Variants in KCTD3 observed in about 807,000 individuals in gnomAD.
KCTD3 encodes the protein BTB/POZ domain-containing protein KCTD3.
Under a neutral mutation model 85.8 loss-of-function variants are expected in KCTD3, and 41 were observed. That is an observed-to-expected ratio of 0.48 (90% CI 0.37 to 0.62). The LOEUF (loss-of-function observed/expected upper bound fraction) is 0.62, where lower values mean the gene tolerates loss of function less well. Ranked by LOEUF, KCTD3 falls within the 20% of genes least tolerant of loss-of-function variation. KCTD3 has a pLI of 0.00. For missense variants in KCTD3, 724 were observed against 989.9 expected (o/e 0.73, Z 3.60); for synonymous variants, 338 against 345.4 (o/e 0.98, Z 0.24).
At chr1:215,575,545 TC>T (rs1203599216) in intron 3 of KCTD3, among the ~76,000 whole-genome samples, 1 of 152,210 alleles carries the variant, frequency 6.6e-6, no homozygotes, top group Non-Finnish European at 1.5e-5. Context: ...ATTCATGTTT[TC>T]GAAGTATTAA....
At chr1:215,574,513 G>A (rs1051502486) in intron 3 of KCTD3, among the ~76,000 whole-genome samples, 5 of 151,958 alleles carry the variant, frequency 3.3e-5, no homozygotes, top group Admixed American at 6.6e-5. Context: ...ATAACCTTGC[G>A]AATTTGTTTA....
At chr1:215,584,504 GCCTGCAAATA>G (rs772546146) in intron 8 of KCTD3, among the ~76,000 whole-genome samples, 14 of 152,096 alleles carry the variant, frequency 9.2e-5, no homozygotes, top group Admixed American at 3.9e-4. Flanking sequence ...GTTTATCATT[GCCTGCAAATA>G]CCTGTATGAG....
chr1:215,620,456 A>C lies in KCTD3; in HGVS notation c.2286A>C (p.Gly762=), dbSNP rs1438012575. The C allele has an allele frequency of 6.2e-7, 1 of 1,613,744 alleles. No homozygotes were observed. Among genetic ancestry groups the C allele is most frequent in the Non-Finnish European group, 8.5e-7 (1 of 1,179,688 alleles). ...GGAAGAAAGGAGGATTTGAAGGGGG[A>C]GGATTCCTTGGAAGAAAGAAAGTTC... ...EFRKKGGFEG[G]GFLGRKKVPY... The change falls in exon 18 of 18, where the codon GGA becomes GGC. Residue 762 remains glycine, a synonymous_variant. Transcript: ENST00000259154.
rs767776750 is a variant in KCTD3 at position 215,579,997 on chromosome 1, CA to C, written c.625del (p.Arg209GlufsTer24). ...CATATGCCCATTTTGCTGTGTGTTA[CA>C]GGTAGTGTATAATTAATAATGCTTT... is the stretch of plus-strand genomic sequence containing the variant. ...AAYAHFAVCY[R>X]IKESSGWQQV... is the part of the protein sequence containing the mutation. On this transcript the variant is annotated frameshift_variant and splice_region_variant, in exon 8 of 18. Transcript: ENST00000259154. LOFTEE classifies it high-confidence loss of function. The C allele has an allele frequency of 6.3e-7, 1 of 1,589,638 alleles. No homozygotes were observed. The highest frequency in any genetic ancestry group is 8.6e-7 in the Non-Finnish European group (1 of 1,157,790).
At chr1:215,574,713 C>G (rs536076448) in intron 3 of KCTD3, among the ~76,000 whole-genome samples, 1 of 151,888 alleles carries the variant, frequency 6.6e-6, no homozygotes, top group Non-Finnish European at 1.5e-5. Flanking sequence ...AATAAGATCT[C>G]CACAAATCTG....
Position 215,620,311 on chromosome 1 carries a change from TAGAAATA to T in KCTD3, c.2143_2149del (p.Glu715LysfsTer3). The T allele has an allele frequency of 6.2e-7, 1 of 1,613,518 alleles. No homozygotes were observed. Among genetic ancestry groups the T allele is most frequent in the Non-Finnish European group, 8.5e-7 (1 of 1,179,790 alleles). Reference sequence around the variant, plus strand: ...ATATCTGAGAGAAAGTCTCCTGGAGTAGAAATAAAAAGTTTGAGAGAATTGGATAGTG... The same window carrying T: ...ATATCTGAGAGAAAGTCTCCTGGAGTAAAAGTTTGAGAGAATTGGATAGTG... On this transcript the variant is annotated frameshift_variant, in exon 18 of 18. Coordinates refer to ENST00000259154, the MANE Select transcript of KCTD3 (RefSeq NM_016121.5). LOFTEE classifies it low-confidence loss of function (END_TRUNC).
At chr1:215,600,084 T>G (rs957300712) in intron 10 of KCTD3, among the ~76,000 whole-genome samples, 74 of 152,248 alleles carry the variant, frequency 4.9e-4, no homozygotes, top group Middle Eastern at 3.4e-3. Context: ...CCCTCCATCC[T>G]TTAGACATCT....
Position 215,567,757 on chromosome 1 carries a change from AG to A in KCTD3, c.78del (p.Thr27ProfsTer22), listed in dbSNP as rs1435385125. 1 of 1,244,622 alleles carries A rather than the reference AG, an allele frequency of 8.0e-7. No homozygotes were observed. 77.1% of individuals were successfully genotyped at this position (1,244,622 alleles called of 1,614,324 possible). On this transcript the variant is annotated frameshift_variant, in exon 1 of 18. Transcript: ENST00000259154. LOFTEE classifies it high-confidence loss of function. Reference sequence around the variant, plus strand: ...GCGGCGAGATCGTCCAACTGAACGTAGGGGGGACCAGGTGAGTCGGCGGGTA... The same window carrying A: ...GCGGCGAGATCGTCCAACTGAACGTAGGGGGACCAGGTGAGTCGGCGGGTA... Reference protein sequence around the residue: ...GSGEIVQLNVGGTRFSTSRQT... With the variant: ...GSGEIVQLNVXGTRFSTSRQT...
At position 215,620,081 on chromosome 1, in the gene KCTD3, C is replaced by T; in HGVS notation, c.1911C>T (p.Thr637=). The change falls in exon 18 of 18, where the codon ACC becomes ACT. Residue 637 remains threonine, a synonymous_variant. Coordinates refer to ENST00000259154, the MANE Select transcript of KCTD3 (RefSeq NM_016121.5). ...GCCTTCAGCTTCAGCACCATGATACCACCCATGAAGCAGCTACTTACGGTT... is the reference window on the plus strand; with the variant it reads ...GCCTTCAGCTTCAGCACCATGATACTACCCATGAAGCAGCTACTTACGGTT... ...NSSLQLQHHD[T]THEAATYGSM... 1 of 1,596,006 alleles carries T rather than the reference C, an allele frequency of 6.3e-7. No individual in the cohort carries two copies. The highest frequency in any genetic ancestry group is 8.5e-7 in the Non-Finnish European group (1 of 1,174,270).
At chr1:215,569,549 A>G (rs979137265) in intron 1 of KCTD3, among the ~76,000 whole-genome samples, 3 of 151,272 alleles carry the variant, frequency 2.0e-5, no homozygotes, top group Non-Finnish European at 4.4e-5. Context: ...TGCAGAATTC[A>G]TTTAAAAGTT....
chr1:215,568,393 C>G (rs1306341629), intron 1 of KCTD3, among the ~76,000 whole-genome samples: 1 of 138,208 alleles, frequency 7.2e-6, no homozygotes, highest in East Asian at 2.2e-4. Context: ...TGAACATTTG[C>G]TTTTAGGAAG....
At chr1:215,600,957 A>C (rs1654807083) in intron 10 of KCTD3, among the ~76,000 whole-genome samples, 2 of 147,512 alleles carry the variant, frequency 1.4e-5, no homozygotes, top group South Asian at 4.3e-4. Context: ...TTTTTTTTGG[A>C]TACCAAGTCT....
At chr1:215,579,522 G>A (rs948502367) in intron 7 of KCTD3, among the ~76,000 whole-genome samples, 5 of 149,090 alleles carry the variant, frequency 3.4e-5, no homozygotes, top group African/African-American at 9.9e-5. Flanking sequence ...TTTTTGAGAC[G>A]GAGTCTCGCT....
chr1:215,589,284 C>T (rs1161598594), intron 9 of KCTD3, among the ~76,000 whole-genome samples: 1 of 152,020 alleles, frequency 6.6e-6, no homozygotes, highest in Non-Finnish European at 1.5e-5. Flanking sequence ...GCTAGAACTA[C>T]AGGCAGGCAC....
intron 9 of KCTD3, among the ~76,000 whole-genome samples, chr1:215,588,614 GAAATTCATAT>G (rs1032927468): frequency 6.6e-6 from 1 of 152,054 alleles, no homozygotes; most frequent in Middle Eastern, 3.2e-3. Context: ...AATAAGCCAT[GAAATTCATAT>G]AAGTTTTCAA....
At chr1:215,605,609 C>A (rs182096439) in intron 13 of KCTD3, among the ~76,000 whole-genome samples, 1 of 152,202 alleles carries the variant, frequency 6.6e-6, no homozygotes, top group Non-Finnish European at 1.5e-5. Flanking sequence ...GTGTCTGGAT[C>A]TCTGGTTGTA....
intron 15 of KCTD3, among the ~76,000 whole-genome samples, chr1:215,613,446 G>A (rs1655307190): frequency 6.6e-6 from 1 of 152,158 alleles, no homozygotes. Flanking sequence ...CTATCCTGTA[G>A]GTTGTCTGTT....
intron 13 of KCTD3, 132 bp downstream of exon 13, chr1:215,604,434 A>C (rs1688339838): frequency 1.5e-6 from 1 of 689,632 alleles, no homozygotes; most frequent in Non-Finnish European, 2.4e-6. Flanking sequence ...GACTGAAGAA[A>C]TTATGATTGT....
At chr1:215,607,951 T>A in intron 13 of KCTD3, 66 bp from the exon 14 acceptor site, 2 of 1,328,064 alleles carry the variant, frequency 1.5e-6, no homozygotes, top group South Asian at 2.8e-5. Context: ...TAGATGATAG[T>A]GAAAAAAGTT....
Sources: allele counts gnomAD v4.1 joint callset (sites outside exome capture counted in the v4.1 genomes callset), GRCh38; gene constraint gnomAD v4.1.1; transcripts MANE v1.5; gene names NCBI Gene and HGNC (gene_info 2026-07-23, HGNC 2026-07-21).